Variants in RCAN1 observed in about 807,000 individuals in gnomAD.
The protein encoded by RCAN1 is calcipressin-1.
In RCAN1, 11 loss-of-function variants were observed where a neutral mutation model predicts 22.9. That is an observed-to-expected ratio of 0.48 (90% CI 0.30 to 0.79). The LOEUF is 0.79. Among genes scored for constraint, RCAN1 ranks in the 30% least tolerant of loss-of-function variants. The probability of loss-of-function intolerance (pLI) is 0.06; values close to 1 mark genes in which losing one functional copy is unlikely to be tolerated. For missense variants in RCAN1, 291 were observed against 337.8 expected, an observed-to-expected ratio of 0.86 and a Z score of 1.09; for synonymous variants, 136 against 142.3, an observed-to-expected ratio of 0.96 and a Z score of 0.32.
At chr21:34,552,988 T>G (rs1986423025) in intron 1 of RCAN1, among the ~76,000 whole-genome samples, 1 of 152,208 alleles carries the variant, frequency 6.6e-6, no homozygotes, top group Non-Finnish European at 1.5e-5. Context: ...CATAACTGCC[T>G]AATTCTGAAT....
chr21:34,579,061 A>G (rs1987513859), intron 1 of RCAN1, among the ~76,000 whole-genome samples: 1 of 152,188 alleles, frequency 6.6e-6, no homozygotes, highest in Admixed American at 6.5e-5. Context: ...AAAGGTTTTT[A>G]GGCCAGTTGT....
intron 2 of RCAN1, 75 bp from the exon 3 acceptor site, chr21:34,521,733 G>T: frequency 7.9e-7 from 1 of 1,270,190 alleles, no homozygotes; most frequent in Admixed American, 2.3e-5. Flanking sequence ...CCTAACGCCA[G>T]TTCCGGGAGA....
In RCAN1 at chr21:34,521,533, A is replaced by G. The variant is rs746189714; in HGVS notation, c.552T>C (p.Tyr184=). The change falls in exon 3 of 4, where the codon TAT becomes TAC. Residue 184 remains tyrosine, a synonymous_variant. Coordinates refer to ENST00000313806, the MANE Select transcript of RCAN1 (RefSeq NM_004414.7). ...GCTTGGAGATGGCATATAAGAGATC[A>G]TAGTTTATGACTGGGGTCGCATCTT... The part of the protein sequence containing the change: ...QVEDATPVIN[Y]DLLYAISKLG... The G allele has an allele frequency of 3.7e-6, 6 of 1,614,234 alleles. No homozygotes were observed. In the South Asian group the frequency reaches 6.6e-5, roughly 18 times the overall value.
intron 1 of RCAN1, among the ~76,000 whole-genome samples, chr21:34,592,567 C>G (rs1055280255): frequency 2.0e-4 from 31 of 152,248 alleles, no homozygotes; most frequent in African/African-American, 7.5e-4. Flanking sequence ...AATCCCTGAC[C>G]TCCTTCCCTG....
At chr21:34,533,332 T>C (rs552188082) in intron 1 of RCAN1, among the ~76,000 whole-genome samples, 1 of 152,372 alleles carries the variant, frequency 6.6e-6, no homozygotes, top group South Asian at 2.1e-4. Flanking sequence ...ATTCTCACTC[T>C]GCCTGTTAGG....
chr21:34,532,888 C>T (rs1382719892), intron 1 of RCAN1, among the ~76,000 whole-genome samples: 1 of 152,110 alleles, frequency 6.6e-6, no homozygotes, highest in East Asian at 1.9e-4. Flanking sequence ...CCCCCACTGC[C>T]CACCTTATCA....
intron 1 of RCAN1, among the ~76,000 whole-genome samples, chr21:34,571,385 G>GA (rs200752158): frequency 0.013 from 2,030 of 152,056 alleles, 47 homozygotes; most frequent in East Asian, 0.093. Context: ...AAATTATCCT[G>GA]AAAAAAAGTT....
rs6741 is a variant in RCAN1, at chr21:34,516,806, G to C, written c.*1278C>G. On this transcript the variant is annotated 3_prime_UTR_variant, in exon 4 of 4. Transcript: ENST00000313806. ...AAATGACAAACATTGTTACGGTATT[G>C]TAAGGCCAAAATATAATACCTATTT... 0.045 allele frequency: 6,791 copies of C among 152,516 alleles called. 197 individuals carry two copies. The highest frequency in any genetic ancestry group is 0.064 in the Non-Finnish European group (4,377 of 68,034). 9.4% of individuals were successfully genotyped at this position (152,516 alleles called of 1,614,324 possible).
intron 1 of RCAN1, among the ~76,000 whole-genome samples, chr21:34,586,949 C>T (rs185282883): frequency 2.3e-4 from 35 of 150,202 alleles, no homozygotes; most frequent in African/African-American, 8.1e-4. Flanking sequence ...AGTGAAACTC[C>T]GTTTAAAAAA....
intron 1 of RCAN1, among the ~76,000 whole-genome samples, chr21:34,581,605 A>G (rs377244273): frequency 1.3e-5 from 2 of 152,180 alleles, no homozygotes; most frequent in African/African-American, 4.8e-5. Flanking sequence ...TAAAAGAAAA[A>G]CAGCCATCAT....
At chr21:34,590,224 T>C (rs1204133479) in intron 1 of RCAN1, among the ~76,000 whole-genome samples, 2 of 152,134 alleles carry the variant, frequency 1.3e-5, no homozygotes, top group African/African-American at 4.8e-5. Flanking sequence ...CACCTCCCAT[T>C]ATTGTTTACC....
chr21:34,595,508 C>G (rs986461193), intron 1 of RCAN1, among the ~76,000 whole-genome samples: 6 of 152,208 alleles, frequency 3.9e-5, no homozygotes, highest in Non-Finnish European at 5.9e-5. Context: ...GTGTACAGAC[C>G]CATCTATTCA....
At chr21:34,594,790 T>C (rs890905167) in intron 1 of RCAN1, among the ~76,000 whole-genome samples, 5 of 152,152 alleles carry the variant, frequency 3.3e-5, no homozygotes, top group East Asian at 1.9e-4. Context: ...CTGGCCCCCA[T>C]ACAAACTCGC....
At chr21:34,543,342 C>A (rs532481034) in intron 1 of RCAN1, among the ~76,000 whole-genome samples, 3 of 151,986 alleles carry the variant, frequency 2.0e-5, no homozygotes, top group Non-Finnish European at 4.4e-5. Context: ...GGGCTGGAGT[C>A]GGAGATGGAG....
At position 34,615,095 on chromosome 21, in the gene RCAN1, G is replaced by T. The variant is rs1249628067; in HGVS notation, c.-84C>A. On this transcript the variant is annotated 5_prime_UTR_variant, in exon 1 of 4. Transcript: ENST00000313806. ...GCCTCACGCGCTCCGGTCCGCGCCC[G>T]GCCGGCGGCTCCGCCGTTAACCCCC... The T allele has an allele frequency of 4.0e-6, 4 of 993,480 alleles. No individual in the cohort carries two copies. The highest frequency in any genetic ancestry group is 3.6e-6 in the Non-Finnish European group (3 of 834,560). 61.5% of individuals were successfully genotyped at this position (993,480 alleles called of 1,614,324 possible).
Position 34,538,124 on chromosome 21 carries a change from G to C in RCAN1, c.253-14414C>G, listed in dbSNP as rs190858475. On this transcript the variant is annotated intron_variant, in intron 1 of 3. Transcript: ENST00000313806. ...ACAGATTTCTACAGAATTAGCTCATGATTCATGGAGGCAAAAAAAGTTTTG... is the reference window on the plus strand; with the variant it reads ...ACAGATTTCTACAGAATTAGCTCATCATTCATGGAGGCAAAAAAAGTTTTG... Among the ~76,000 whole-genome samples the C allele has an allele frequency of 2.9e-4, 44 of 152,332 alleles. 1 individual carries two copies. Among genetic ancestry groups the C allele is most frequent in the Admixed American group, 2.7e-3 (41 of 15,304 alleles).
chr21:34,593,251 A>G (rs1179842316), intron 1 of RCAN1, among the ~76,000 whole-genome samples: 1 of 152,218 alleles, frequency 6.6e-6, no homozygotes, highest in Non-Finnish European at 1.5e-5. Flanking sequence ...TTCATCAAAA[A>G]TGTTCAAGTA....
intron 1 of RCAN1, 53 bp from the exon 2 acceptor site, chr21:34,523,763 C>G: frequency 7.0e-7 from 1 of 1,427,022 alleles, no homozygotes. Context: ...GCATATGACC[C>G]TTGACTAGAT....
At chr21:34,521,002 A>AC (rs1984475213) in intron 3 of RCAN1, 1 of 999,806 alleles carries the variant, frequency 1.0e-6, no homozygotes, top group Admixed American at 5.2e-5. Context: ...GGGCAGCCCG[A>AC]CCGCGGCCCT....
Sources: gnomAD v4.1 joint callset for allele counts (sites outside exome capture counted in the v4.1 genomes callset) on GRCh38, gnomAD v4.1.1 for gene constraint, MANE v1.5 for transcripts, NCBI Gene and HGNC (gene_info 2026-07-23, HGNC 2026-07-21) for gene names.